Variants in KCNQ3 observed in about 807,000 individuals in gnomAD.
KCNQ3 encodes the protein potassium voltage-gated channel subfamily Q member 3.
A neutral mutation model predicts 92.5 loss-of-function variants in KCNQ3; 30 were observed. The observed-to-expected ratio is 0.32, with a 90% CI of 0.24 to 0.44. The LOEUF (loss-of-function observed/expected upper bound fraction) is 0.44. Among genes scored for constraint, KCNQ3 ranks in the 20% least tolerant of loss-of-function variants. The probability of loss-of-function intolerance (pLI) is 1.00; values close to 1 mark genes in which losing one functional copy is unlikely to be tolerated. For missense variants in KCNQ3, 913 were observed against 1,140.3 expected (o/e 0.80, Z 2.87); for synonymous variants, 450 against 468.8 (o/e 0.96, Z 0.52).
At chr8:132,255,814 C>A (rs1815565624) in intron 1 of KCNQ3, among the ~76,000 whole-genome samples, 1 of 152,128 alleles carries the variant, frequency 6.6e-6, no homozygotes, top group Non-Finnish European at 1.5e-5. Flanking sequence ...GAATACAGAC[C>A]TTACAGTGTT....
At chr8:132,345,379 C>T (rs908512922) in intron 1 of KCNQ3, among the ~76,000 whole-genome samples, 8 of 152,162 alleles carry the variant, frequency 5.3e-5, no homozygotes, top group South Asian at 2.1e-4. Context: ...GGTCCAGGAA[C>T]GTACTCAAGC....
intron 7 of KCNQ3, among the ~76,000 whole-genome samples, chr8:132,171,927 A>C (rs1169353866): frequency 6.6e-6 from 1 of 152,148 alleles, no homozygotes; most frequent in Non-Finnish European, 1.5e-5. Context: ...AGGCCAAAGC[A>C]GGAGGATGGC....
intron 1 of KCNQ3, among the ~76,000 whole-genome samples, chr8:132,246,141 A>G (rs753568290): frequency 6.6e-6 from 1 of 152,204 alleles, no homozygotes; most frequent in Non-Finnish European, 1.5e-5. Flanking sequence ...GTTATTTCAG[A>G]AGAGTACAGC....
intron 1 of KCNQ3, among the ~76,000 whole-genome samples, chr8:132,471,838 C>T (rs1443746802): frequency 1.3e-5 from 2 of 151,992 alleles, no homozygotes; most frequent in African/African-American, 2.4e-5. Flanking sequence ...GAGACAACCC[C>T]TTAAATGGGA....
At chr8:132,383,769 T>C (rs551718594) in intron 1 of KCNQ3, among the ~76,000 whole-genome samples, 1 of 152,262 alleles carries the variant, frequency 6.6e-6, no homozygotes, top group East Asian at 1.9e-4. Flanking sequence ...AACCTATCTG[T>C]AGATGACTTT....
At chr8:132,156,969 C>T (rs1825816218) in intron 9 of KCNQ3, among the ~76,000 whole-genome samples, 1 of 152,174 alleles carries the variant, frequency 6.6e-6, no homozygotes, top group Admixed American at 6.5e-5. Context: ...CAAGGATCAG[C>T]ATGAACTACC....
intron 1 of KCNQ3, among the ~76,000 whole-genome samples, chr8:132,298,008 C>T (rs1480181575): frequency 6.6e-6 from 1 of 152,192 alleles, no homozygotes; most frequent in African/African-American, 2.4e-5. Context: ...ATTCTAAAAT[C>T]ACAAATATTG....
At chr8:132,408,157 G>A (rs1414868604) in intron 1 of KCNQ3, among the ~76,000 whole-genome samples, 2 of 149,746 alleles carry the variant, frequency 1.3e-5, no homozygotes, top group African/African-American at 2.5e-5. Flanking sequence ...GGGTAACATC[G>A]TTTTTTTAAA....
At chr8:132,212,039 T>C (rs1813877814) in intron 1 of KCNQ3, among the ~76,000 whole-genome samples, 1 of 151,626 alleles carries the variant, frequency 6.6e-6, no homozygotes, top group South Asian at 2.1e-4. Context: ...CCTTCACCTC[T>C]CACTTCTCAA....
intron 1 of KCNQ3, among the ~76,000 whole-genome samples, chr8:132,296,670 G>C (rs1202001570): frequency 6.6e-6 from 1 of 152,016 alleles, no homozygotes; most frequent in East Asian, 1.9e-4. Flanking sequence ...ATAGTTTGCT[G>C]AGAATGATGG....
At chr8:132,264,853 A>G (rs1250854942) in intron 1 of KCNQ3, among the ~76,000 whole-genome samples, 1 of 152,236 alleles carries the variant, frequency 6.6e-6, no homozygotes, top group Non-Finnish European at 1.5e-5. Context: ...ACCCTAAGTA[A>G]GCATGTAAGG....
intron 1 of KCNQ3, among the ~76,000 whole-genome samples, chr8:132,469,394 C>T (rs1211335746): frequency 6.6e-6 from 1 of 152,148 alleles, no homozygotes; most frequent in Non-Finnish European, 1.5e-5. Flanking sequence ...GACTGTTACA[C>T]CAATTATATG....
intron 1 of KCNQ3, among the ~76,000 whole-genome samples, chr8:132,393,278 A>G (rs1820098359): frequency 6.6e-6 from 1 of 152,212 alleles, no homozygotes; most frequent in African/African-American, 2.4e-5. Context: ...AACAGAGCAC[A>G]GCTTTGTCTT....
In KCNQ3 at chr8:132,462,221, C is replaced by T. The variant is rs185183877; in HGVS notation, c.386+17926G>A. 9.2e-5 allele frequency among the ~76,000 whole-genome samples: 14 copies of T among 151,624 alleles called. No homozygotes were observed. The East Asian group carries it at 9.7e-4, about 11-fold the overall frequency. ...TATTTATTTATTTTATTTTTTGAGA[C>T]GGAGTCTTGCTTTGTTGCCCAGGTT... On this transcript the variant is annotated intron_variant, in intron 1 of 14. Coordinates refer to ENST00000388996, the MANE Select transcript of KCNQ3 (RefSeq NM_004519.4).
chr8:132,293,471 C>A (rs1816917970), intron 1 of KCNQ3, among the ~76,000 whole-genome samples: 1 of 152,092 alleles, frequency 6.6e-6, no homozygotes, highest in Non-Finnish European at 1.5e-5. Context: ...TCACAGATGT[C>A]TTCTTCTGTG....
rs1824516949 is a variant in KCNQ3 at position 132,122,612 on chromosome 8, G to A, written c.*6650C>T. ...ATAACAGTGCTATCTGGAGGATGAA[G>A]GCTTAGGTAGAATGACAATCTTTAA... On this transcript the variant is annotated 3_prime_UTR_variant, in exon 15 of 15. Transcript: ENST00000388996. The A allele has an allele frequency of 1.3e-5, 2 of 152,192 alleles. No individual in the cohort carries two copies. The highest frequency in any genetic ancestry group is 6.5e-5 in the Admixed American group (1 of 15,274). 9.4% of individuals were successfully genotyped at this position (152,192 alleles called of 1,614,324 possible). A position where few individuals can be genotyped will look rare whatever the true frequency, so the allele number is the denominator to read the frequency against.
intron 1 of KCNQ3, 124 bp downstream of exon 1, chr8:132,480,023 G>T: frequency 1.1e-6 from 1 of 892,992 alleles, no homozygotes; most frequent in South Asian, 1.6e-5. Flanking sequence ...GGACGGGCTG[G>T]TCTCCCCTTC....
Position 132,480,743 on chromosome 8 carries a change from C to T in KCNQ3, c.-211G>A. 3.3e-6 allele frequency: 1 copy of T among 305,640 alleles called. No individual in the cohort carries two copies. The highest frequency in any genetic ancestry group is 4.8e-6 in the Non-Finnish European group (1 of 207,612). 18.9% of individuals were successfully genotyped at this position (305,640 alleles called of 1,614,324 possible). A position where few individuals can be genotyped will look rare whatever the true frequency, so the allele number is the denominator to read the frequency against. Reference sequence around the variant, plus strand: ...GGCCAGGCAGGGGGTCAGGGGGTCACATCCCGCGCGGGTCAGCCGCAGGAC... The same window carrying T: ...GGCCAGGCAGGGGGTCAGGGGGTCATATCCCGCGCGGGTCAGCCGCAGGAC... On this transcript the variant is annotated 5_prime_UTR_variant, in exon 1 of 15. The change creates a new upstream start codon in the 5' untranslated region. Transcript: ENST00000388996.
intron 1 of KCNQ3, among the ~76,000 whole-genome samples, chr8:132,290,844 T>C (rs973258341): frequency 1.3e-5 from 2 of 152,144 alleles, no homozygotes; most frequent in Non-Finnish European, 2.9e-5. Flanking sequence ...AATCAGTACC[T>C]GGAAGAATAC....
Sources: gnomAD v4.1 joint callset for allele counts (sites outside exome capture counted in the v4.1 genomes callset) on GRCh38, gnomAD v4.1.1 for gene constraint, MANE v1.5 for transcripts, NCBI Gene and HGNC (gene_info 2026-07-23, HGNC 2026-07-21) for gene names.